Variants in ACKR4 observed in about 807,000 individuals in gnomAD.
The protein encoded by ACKR4 is C-C CKR-11.
A neutral mutation model predicts 8.5 loss-of-function variants in ACKR4; 2 were observed. The ratio of observed to expected loss-of-function variants is 0.23; its 90% CI spans 0.10 to 0.74. The LOEUF is 0.74. ACKR4 is among the 30% of genes least tolerant of loss of function. The probability of loss-of-function intolerance (pLI) is 0.75; values close to 1 mark genes in which losing one functional copy is unlikely to be tolerated. For missense variants in ACKR4, 167 were observed against 422.1 expected, an observed-to-expected ratio of 0.40 and a Z score of 5.30; for synonymous variants, 67 against 145.0, an observed-to-expected ratio of 0.46 and a Z score of 3.86.
In ACKR4 at chr3:132,600,801, T is replaced by C. The variant is rs1559949997; in HGVS notation, c.404T>C (p.Ile135Thr). 6 of 1,613,916 alleles carry C rather than the reference T, an allele frequency of 3.7e-6. No individual in the cohort carries two copies. The highest frequency in any genetic ancestry group is 1.1e-5 in the South Asian group (1 of 91,084). ...ATGCAGTTTCTGGCTTGTATCAGCA[T>C]AGACAGATATGTGGCAGTAACTAAA... Reference protein sequence around the residue: ...SGMQFLACISIDRYVAVTKVP... With the variant: ...SGMQFLACISTDRYVAVTKVP... The change falls in exon 2 of 2, where the codon ATA (isoleucine) becomes ACA (threonine). Residue 135 changes from isoleucine (I) to threonine (T), a missense_variant. Ile to Thr is a moderately conservative substitution (Grantham distance 89). Coordinates refer to ENST00000249887, the MANE Select transcript of ACKR4 (RefSeq NM_016557.4).
chr3:132,600,286 A>G, intron 1 of ACKR4, 103 bp from the exon 2 acceptor site: 1 of 980,080 alleles, frequency 1.0e-6, no homozygotes. Flanking sequence ...ATGTTACAGC[A>G]ACAGGCTATA....
chr3:132,600,473 C>G lies in ACKR4; in HGVS notation c.76C>G (p.Gln26Glu). Residue 26 changes from glutamine to glutamate, a missense_variant, in exon 2 of 2, where the codon CAA (glutamine) becomes GAA (glutamate). Gln to Glu is a conservative substitution (Grantham distance 29). Around this residue, in one of 2 missense-constraint regions of ACKR4, gnomAD observed 149 missense variants for 281.9 expected, o/e 0.53. Coordinates refer to ENST00000249887, the MANE Select transcript of ACKR4 (RefSeq NM_016557.4). ...AATGAATGGCACTTATGACTACAGT[C>G]AATATGAACTGATCTGTATCAAAGA... ...NEMNGTYDYS[Q>E]YELICIKEDV... The G allele has an allele frequency of 2.5e-6, 4 of 1,613,542 alleles. No homozygotes were observed. Among genetic ancestry groups the G allele is most frequent in the Non-Finnish European group, 3.4e-6 (4 of 1,179,746 alleles).
Position 132,602,186 on chromosome 3 carries a change from A to C in ACKR4, c.*736A>C, listed in dbSNP as rs1938637361. 1 of 166,524 alleles carries C rather than the reference A, an allele frequency of 6.0e-6. No homozygotes were observed. The highest frequency in any genetic ancestry group is 2.1e-4 in the South Asian group (1 of 4,816). 10.3% of individuals were successfully genotyped at this position (166,524 alleles called of 1,614,324 possible). A position where few individuals can be genotyped will look rare whatever the true frequency, so the allele number is the denominator to read the frequency against. ...TTTATAAAATCCACCTCCTCCAAAAAAGCAATAAAAAAAAAACAAACTATA... is the reference window on the plus strand; with the variant it reads ...TTTATAAAATCCACCTCCTCCAAAACAGCAATAAAAAAAAAACAAACTATA... On this transcript the variant is annotated 3_prime_UTR_variant, in exon 2 of 2. Coordinates refer to ENST00000249887, the MANE Select transcript of ACKR4 (RefSeq NM_016557.4).
At chr3:132,600,334 T>G in intron 1 of ACKR4, 55 bp from the exon 2 acceptor site, 3 of 1,409,408 alleles carry the variant, frequency 2.1e-6, no homozygotes, top group Non-Finnish European at 2.8e-6. Context: ...TAAAAACTGT[T>G]TCCTTTTAAG....
Position 132,601,073 on chromosome 3 carries a change from A to G in ACKR4, c.676A>G (p.Thr226Ala). The G allele has an allele frequency of 6.2e-7, 1 of 1,613,974 alleles. No individual in the cohort carries two copies. The highest frequency in any genetic ancestry group is 8.5e-7 in the Non-Finnish European group (1 of 1,179,854). ...GGTGTGCTACTTTATCACAGCAAGG[A>G]CACTCATGAAGATGCCAAACATTAA... is the stretch of plus-strand genomic sequence containing the variant. ...MGVCYFITAR[T>A]LMKMPNIKIS... is the part of the protein sequence containing the mutation. Residue 226 changes from threonine (T) to alanine (A), a missense_variant, in exon 2 of 2, where the codon ACA becomes GCA. This residue lies in a region of ACKR4 where 149 missense variants were observed against 281.9 expected (regional missense o/e 0.53). Coordinates refer to ENST00000249887, the MANE Select transcript of ACKR4 (RefSeq NM_016557.4).
chr3:132,599,920 TTA>T (rs1938493147), intron 1 of ACKR4, among the ~76,000 whole-genome samples: 1 of 152,146 alleles, frequency 6.6e-6, no homozygotes, highest in Non-Finnish European at 1.5e-5. Flanking sequence ...AAAAATAAAT[TTA>T]ATTTAAATAA....
intron 1 of ACKR4, among the ~76,000 whole-genome samples, chr3:132,598,867 G>T (rs1459282083): frequency 6.6e-6 from 1 of 152,226 alleles, no homozygotes; most frequent in Non-Finnish European, 1.5e-5. Flanking sequence ...TTGGATTGTG[G>T]CTTTCAGGTG....
At position 132,601,712 on chromosome 3, in the gene ACKR4, A is replaced by G; in HGVS notation, c.*262A>G. ...TGAATAACACTCTGCTGTAACGAAG[A>G]AGAGCTTTGTGGTGATAATTTTGTA... On this transcript the variant is annotated 3_prime_UTR_variant, in exon 2 of 2. Transcript: ENST00000249887. The G allele has an allele frequency of 4.5e-6, 2 of 448,404 alleles. No homozygotes were observed. Among genetic ancestry groups the G allele is most frequent in the Admixed American group, 3.5e-5 (1 of 28,326 alleles). The allele number at this position is 448,404 out of a possible 1,614,324, so 27.8% of individuals were successfully genotyped here.
intron 1 of ACKR4, 116 bp from the exon 2 acceptor site, chr3:132,600,273 C>T: frequency 1.2e-6 from 1 of 863,464 alleles, no homozygotes. Flanking sequence ...TTCAGGCTCA[C>T]ATATGTTACA....
At position 132,600,648 on chromosome 3, in the gene ACKR4, C is replaced by G; in HGVS notation, c.251C>G (p.Ala84Gly). The G allele has an allele frequency of 1.2e-6, 2 of 1,613,622 alleles. No individual in the cohort carries two copies. The highest frequency in any genetic ancestry group is 1.7e-6 in the Non-Finnish European group (2 of 1,179,650). Residue 84 changes from alanine (A) to glycine (G), a missense_variant, in exon 2 of 2, where the codon GCT (alanine) becomes GGT (glycine). Physicochemically the swap from Ala to Gly is moderately conservative, Grantham distance 60. This residue lies in a region of ACKR4 where 149 missense variants were observed against 281.9 expected (regional missense o/e 0.53). Transcript: ENST00000249887. ...TKTDVYILNL[A>G]VADLLLLFTL... ...ACAGATGTGTACATCCTGAATTTGGCTGTAGCAGATTTACTCCTTCTATTC... is the reference window on the plus strand; with the variant it reads ...ACAGATGTGTACATCCTGAATTTGGGTGTAGCAGATTTACTCCTTCTATTC...
At chr3:132,597,438 T>C (rs1194649289) in intron 1 of ACKR4, 115 bp downstream of exon 1, 1 of 148,450 alleles carries the variant, frequency 6.7e-6, no homozygotes, top group Non-Finnish European at 1.5e-5. Context: ...AATGCTTACT[T>C]GTAAAAAAAA....
chr3:132,600,520 A>G lies in ACKR4; in HGVS notation c.123A>G (p.Lys41=). 6.2e-7 allele frequency: 1 copy of G among 1,613,936 alleles called. No homozygotes were observed. The highest frequency in any genetic ancestry group is 8.5e-7 in the Non-Finnish European group (1 of 1,179,850). The change falls in exon 2 of 2, where the codon AAA becomes AAG. Residue 41 remains lysine, a synonymous_variant. Transcript: ENST00000249887. ...AAGAAGATGTCAGAGAATTTGCAAA[A>G]GTTTTCCTCCCTGTATTCCTCACAA... ...CIKEDVREFA[K]VFLPVFLTIV...
At position 132,600,750 on chromosome 3, in the gene ACKR4, T is replaced by G. The variant is rs768020189; in HGVS notation, c.353T>G (p.Leu118Trp). 1 of 1,614,028 alleles carries G rather than the reference T, an allele frequency of 6.2e-7. No individual in the cohort carries two copies. The highest frequency in any genetic ancestry group is 8.5e-7 in the Non-Finnish European group (1 of 1,179,870). The change falls in exon 2 of 2, where the codon TTG becomes TGG. Residue 118 changes from leucine (L) to tryptophan (W), a missense_variant. Around this residue, in one of 2 missense-constraint regions of ACKR4, gnomAD observed 149 missense variants for 281.9 expected, o/e 0.53. Coordinates refer to ENST00000249887, the MANE Select transcript of ACKR4 (RefSeq NM_016557.4). ...ATAATGTGCAAAATAACTTCAGCCTTGTACACACTAAACTTTGTCTCTGGA... is the reference window on the plus strand; with the variant it reads ...ATAATGTGCAAAATAACTTCAGCCTGGTACACACTAAACTTTGTCTCTGGA... ...GKIMCKITSA[L>W]YTLNFVSGMQ...
chr3:132,600,332 G>C (rs932489634), intron 1 of ACKR4, 57 bp from the exon 2 acceptor site: 2 of 1,398,870 alleles, frequency 1.4e-6, no homozygotes, highest in East Asian at 2.5e-5. Context: ...GATAAAAACT[G>C]TTTCCTTTTA....
rs868787616 is a variant in ACKR4 at position 132,602,071 on chromosome 3, C to T, written c.*621C>T. On this transcript the variant is annotated 3_prime_UTR_variant, in exon 2 of 2. Coordinates refer to ENST00000249887, the MANE Select transcript of ACKR4 (RefSeq NM_016557.4). ...AATTATCTAAGTTTTAATACAAGAA[C>T]GATTTCCCTGCATAATTTTAGTACT... 6 of 166,516 alleles carry T rather than the reference C, an allele frequency of 3.6e-5. No homozygotes were observed. Among genetic ancestry groups the T allele is most frequent in the South Asian group, 2.1e-4 (1 of 4,798 alleles). 10.3% of individuals were successfully genotyped at this position (166,516 alleles called of 1,614,324 possible).
In ACKR4 at chr3:132,601,804, C is replaced by T. The variant is rs1938616070; in HGVS notation, c.*354C>T. The T allele has an allele frequency of 2.9e-6, 1 of 348,468 alleles. No homozygotes were observed. Among genetic ancestry groups the T allele is most frequent in the Non-Finnish European group, 5.7e-6 (1 of 174,516 alleles). The allele number at this position is 348,468 out of a possible 1,614,324, so 21.6% of individuals were successfully genotyped here. On this transcript the variant is annotated 3_prime_UTR_variant, in exon 2 of 2. Coordinates refer to ENST00000249887, the MANE Select transcript of ACKR4 (RefSeq NM_016557.4). ...AAAATGACACAGAACTATATACACACATTGTACCAATTTCAATTTCCTGGT... is the reference window on the plus strand; with the variant it reads ...AAAATGACACAGAACTATATACACATATTGTACCAATTTCAATTTCCTGGT...
chr3:132,599,762 T>C (rs1938484963), intron 1 of ACKR4, among the ~76,000 whole-genome samples: 1 of 152,076 alleles, frequency 6.6e-6, no homozygotes, highest in Non-Finnish European at 1.5e-5. Flanking sequence ...TAAAAAACAG[T>C]ATACAATAAG....
intron 1 of ACKR4, among the ~76,000 whole-genome samples, chr3:132,599,599 G>A (rs1938478565): frequency 6.6e-6 from 1 of 152,164 alleles, no homozygotes; most frequent in Non-Finnish European, 1.5e-5. Flanking sequence ...ATGTGTGGAA[G>A]AGTGCAGATT....
intron 1 of ACKR4, 137 bp from the exon 2 acceptor site, chr3:132,600,252 A>G: frequency 1.4e-6 from 1 of 710,626 alleles, no homozygotes; most frequent in Non-Finnish European, 2.3e-6. Context: ...AGCATTTCAA[A>G]GAGTGCTAGA....
Sources: allele counts gnomAD v4.1 joint callset (sites outside exome capture counted in the v4.1 genomes callset), GRCh38; gene constraint gnomAD v4.1.1; regional missense constraint gnomAD v4.1.1; transcripts MANE v1.5; gene names NCBI Gene and HGNC (gene_info 2026-07-23, HGNC 2026-07-21).